Variants in UBE2M observed in about 807,000 individuals in gnomAD.
UBE2M encodes the protein ubiquitin conjugating enzyme E2 M, also known as NEDD8-conjugating enzyme Ubc12.
UBE2M carries 2 observed loss-of-function variants against 23.5 expected under a neutral mutation model. That is an observed-to-expected ratio of 0.09 (90% CI 0.03 to 0.27). The LOEUF (loss-of-function observed/expected upper bound fraction) is 0.27, where lower values mean the gene tolerates loss of function less well. Ranked by LOEUF, UBE2M falls within the 10% of genes least tolerant of loss-of-function variation. The pLI is 1.00. For missense variants in UBE2M, 103 were observed against 232.9 expected (o/e 0.44, Z 3.63); for synonymous variants, 97 against 95.2 (o/e 1.02, Z -0.11).
At position 58,555,923 on chromosome 19, in the gene UBE2M, TAA is replaced by T. The variant is rs565813317; in HGVS notation, c.*164_*165del. 2.9e-3 allele frequency: 2,462 copies of T among 836,434 alleles called. No homozygotes were observed. Among genetic ancestry groups the T allele is most frequent in the Non-Finnish European group, 3.5e-3 (2,026 of 573,064 alleles). 51.8% of individuals were successfully genotyped at this position (836,434 alleles called of 1,614,324 possible). ...AGCGCCGACCTTAATCACATGGTGTTAAAAAAAAAAAAATAACTAGGGGCACG... is the reference window on the plus strand; with the variant it reads ...AGCGCCGACCTTAATCACATGGTGTTAAAAAAAAAAATAACTAGGGGCACG... On this transcript the variant is annotated 3_prime_UTR_variant, in exon 6 of 6. Coordinates refer to ENST00000253023, the MANE Select transcript of UBE2M (RefSeq NM_003969.4).
rs1568670422 is a variant in UBE2M at position 58,556,973 on chromosome 19, T to C, written c.205-43A>G. The C allele has an allele frequency of 1.9e-6, 3 of 1,613,936 alleles. No individual in the cohort carries two copies. The highest frequency in any genetic ancestry group is 1.1e-5 in the South Asian group (1 of 91,084). On this transcript the variant is annotated intron_variant, in intron 2 of 5. Transcript: ENST00000253023. This position sits in a 1 kb window ranked among gnomAD's most constrained non-coding sequence, Gnocchi z 4.9. ...AGAAGAAAATTTTAGGGTTCCATCC[T>C]GTGGGGCCCGATGGGCAGAACATGT...
rs748311481 is a variant in UBE2M at position 58,557,056 on chromosome 19, C to T, written c.204+7G>A. ...GCTCCTGGGAATTCAGCCATATGCACCCTCACCTCATCAGGACAGATGACC... is the reference window on the plus strand; with the variant it reads ...GCTCCTGGGAATTCAGCCATATGCATCCTCACCTCATCAGGACAGATGACC... On this transcript the variant is annotated splice_region_variant and intron_variant, in intron 2 of 5. Coordinates refer to ENST00000253023, the MANE Select transcript of UBE2M (RefSeq NM_003969.4). The T allele has an allele frequency of 8.7e-6, 14 of 1,614,080 alleles. No individual in the cohort carries two copies. The highest frequency in any genetic ancestry group is 5.0e-5 in the Admixed American group (3 of 60,012).
chr19:58,558,318 C>T lies in UBE2M; in HGVS notation c.64G>A (p.Gly22Ser), dbSNP rs1308589850. The change falls in exon 1 of 6, where the codon GGC becomes AGC. Residue 22 changes from glycine (G) to serine (S), a missense_variant. Transcript: ENST00000253023. This position sits in a 1 kb window ranked among gnomAD's most constrained non-coding sequence, Gnocchi z 4.7. ...KEEESAGGTK[G>S]SSKKASAAQL... ...GCCGCCGACGCCTTCTTGCTGCTGCCCTTGGTGCCGCCCGCCGACTCCTCC... is the reference window on the plus strand; with the variant it reads ...GCCGCCGACGCCTTCTTGCTGCTGCTCTTGGTGCCGCCCGCCGACTCCTCC... 6 of 1,601,506 alleles carry T rather than the reference C, an allele frequency of 3.7e-6. No homozygotes were observed. In the East Asian group the frequency reaches 1.2e-4, roughly 31 times the overall value.
Position 58,556,584 on chromosome 19 carries a change from C to T in UBE2M, c.347+103G>A, listed in dbSNP as rs2053892143. On this transcript the variant is annotated intron_variant, in intron 4 of 5. Transcript: ENST00000253023. The surrounding 1 kb of genome is among the most constrained non-coding windows in gnomAD (Gnocchi z 4.9). ...TGGGAAATCAAGAAACCACAGACAA[C>T]AAAGGGGTGGGAAGGGACAGAGTCT... 2 of 1,193,488 alleles carry T rather than the reference C, an allele frequency of 1.7e-6. No homozygotes were observed. The highest frequency in any genetic ancestry group is 2.4e-5 in the East Asian group (1 of 41,210). 73.9% of individuals were successfully genotyped at this position (1,193,488 alleles called of 1,614,324 possible).
chr19:58,558,301 C>T lies in UBE2M; in HGVS notation c.81G>A (p.Ala27=). ...TCTGGATCCGCAGCTGCGCCGCCGA[C>T]GCCTTCTTGCTGCTGCCCTTGGTGC... The part of the protein sequence containing the change: ...AGGTKGSSKK[A]SAAQLRIQKD... Residue 27 remains alanine, a synonymous_variant, in exon 1 of 6, where the codon GCG becomes GCA. Transcript: ENST00000253023. This position sits in a 1 kb window ranked among gnomAD's most constrained non-coding sequence, Gnocchi z 4.7. 6.2e-7 allele frequency: 1 copy of T among 1,603,690 alleles called. No homozygotes were observed. The highest frequency in any genetic ancestry group is 1.7e-5 in the Admixed American group (1 of 59,012).
intron 1 of UBE2M, among the ~76,000 whole-genome samples, chr19:58,557,512 C>T (rs920239362): frequency 6.6e-6 from 1 of 151,968 alleles, no homozygotes; most frequent in Non-Finnish European, 1.5e-5. Context: ...TCCATGACCT[C>T]CACTCTACAG....
At chr19:58,557,444 CT>C (rs2053899308) in intron 1 of UBE2M, among the ~76,000 whole-genome samples, 1 of 151,940 alleles carries the variant, frequency 6.6e-6, no homozygotes, top group South Asian at 2.1e-4. Flanking sequence ...GTATCCACAG[CT>C]CCCAAATGCC....
rs142143889 is a variant in UBE2M, at chr19:58,557,312, C to A, written c.110-155G>T. Among the ~76,000 whole-genome samples, 247 of 152,050 alleles carry A rather than the reference C, an allele frequency of 1.6e-3. 1 individual carries two copies. Among genetic ancestry groups the A allele is most frequent in the African/African-American group, 5.6e-3 (230 of 41,434 alleles). On this transcript the variant is annotated intron_variant, in intron 1 of 5. Coordinates refer to ENST00000253023, the MANE Select transcript of UBE2M (RefSeq NM_003969.4). ...CGCCTCTCCTGGGCTGTGCTCCACA[C>A]CTCCAGCCCTCTCCCTGCTCCCCAG... is the stretch of plus-strand genomic sequence containing the variant.
chr19:58,556,599 G>A lies in UBE2M; in HGVS notation c.347+88C>T, dbSNP rs1251203969. ...CCACAGACAACAAAGGGGTGGGAAG[G>A]GACAGAGTCTGATGTAGTGCCCACA... On this transcript the variant is annotated intron_variant, in intron 4 of 5. Coordinates refer to ENST00000253023, the MANE Select transcript of UBE2M (RefSeq NM_003969.4). The surrounding 1 kb of genome is among the most constrained non-coding windows in gnomAD (Gnocchi z 4.9). The A allele has an allele frequency of 8.1e-7, 1 of 1,231,994 alleles. No individual in the cohort carries two copies. The highest frequency in any genetic ancestry group is 1.1e-6 in the Non-Finnish European group (1 of 883,404). The allele number at this position is 1,231,994 out of a possible 1,614,324, so 76.3% of individuals were successfully genotyped here.
rs114089020 is a variant in UBE2M, at chr19:58,556,304, A to C, written c.411+12T>G. The C allele has an allele frequency of 6.2e-7, 1 of 1,613,974 alleles. No individual in the cohort carries two copies. The highest frequency in any genetic ancestry group is 8.5e-7 in the Non-Finnish European group (1 of 1,180,024). On this transcript the variant is annotated intron_variant, in intron 5 of 5. Coordinates refer to ENST00000253023, the MANE Select transcript of UBE2M (RefSeq NM_003969.4). The surrounding 1 kb of genome is among the most constrained non-coding windows in gnomAD (Gnocchi z 4.9). ...CCAATCTCCCCAGACCCAACCACCTATTCCTACTCACCAAGAAGAGATACT... is the reference window on the plus strand; with the variant it reads ...CCAATCTCCCCAGACCCAACCACCTCTTCCTACTCACCAAGAAGAGATACT...
At position 58,556,651 on chromosome 19, in the gene UBE2M, G is replaced by T; in HGVS notation, c.347+36C>A. 6.7e-7 allele frequency: 1 copy of T among 1,501,196 alleles called. No homozygotes were observed. Among genetic ancestry groups the T allele is most frequent in the Non-Finnish European group, 8.9e-7 (1 of 1,120,356 alleles). 93.0% of individuals were successfully genotyped at this position (1,501,196 alleles called of 1,614,324 possible). On this transcript the variant is annotated intron_variant, in intron 4 of 5. Coordinates refer to ENST00000253023, the MANE Select transcript of UBE2M (RefSeq NM_003969.4). The surrounding 1 kb of genome is among the most constrained non-coding windows in gnomAD (Gnocchi z 4.9). The stretch of plus-strand genomic sequence containing the variant: ...GACCATGAGGGAGGCCTGGCAGGCA[G>T]CGCTGAGGAGGGCATTAGAGGGCCA...
Position 58,556,952 on chromosome 19 carries a change from G to A in UBE2M, c.205-22C>T, listed in dbSNP as rs1310447112. The A allele has an allele frequency of 6.2e-7, 1 of 1,613,900 alleles. No homozygotes were observed. Among genetic ancestry groups the A allele is most frequent in the Non-Finnish European group, 8.5e-7 (1 of 1,179,976 alleles). ...AGCCCTGGGAGGAAAAGGGGGAGAA[G>A]AAAATTTTAGGGTTCCATCCTGTGG... On this transcript the variant is annotated intron_variant, in intron 2 of 5. Coordinates refer to ENST00000253023, the MANE Select transcript of UBE2M (RefSeq NM_003969.4). This position sits in a 1 kb window ranked among gnomAD's most constrained non-coding sequence, Gnocchi z 4.9.
In UBE2M at chr19:58,555,918, G is replaced by T; in HGVS notation, c.*171C>A. ...GAGGCAGCGCCGACCTTAATCACAT[G>T]GTGTTAAAAAAAAAAAAATAACTAG... On this transcript the variant is annotated 3_prime_UTR_variant, in exon 6 of 6. Coordinates refer to ENST00000253023, the MANE Select transcript of UBE2M (RefSeq NM_003969.4). 1 of 867,506 alleles carries T rather than the reference G, an allele frequency of 1.2e-6. No individual in the cohort carries two copies. Among genetic ancestry groups the T allele is most frequent in the Non-Finnish European group, 1.7e-6 (1 of 582,494 alleles). 53.7% of individuals were successfully genotyped at this position (867,506 alleles called of 1,614,324 possible). A position where few individuals can be genotyped will look rare whatever the true frequency, so the allele number is the denominator to read the frequency against.
intron 1 of UBE2M, 62 bp from the exon 2 acceptor site, chr19:58,557,219 A>ACCCC: frequency 6.7e-7 from 1 of 1,493,592 alleles, no homozygotes; most frequent in Non-Finnish European, 9.3e-7. Flanking sequence ...AGAGAGAGGG[A>ACCCC]GCCAGCAGGA....
rs770826875 is a variant in UBE2M at position 58,556,061 on chromosome 19, C to A, written c.*28G>T. The stretch of plus-strand genomic sequence containing the variant: ...TTGCAGGGGATGCCAGGGCTTGTGG[C>A]CGTGGCGGGGGTGGGTATGCGCCAA... On this transcript the variant is annotated 3_prime_UTR_variant, in exon 6 of 6. Coordinates refer to ENST00000253023, the MANE Select transcript of UBE2M (RefSeq NM_003969.4). This position sits in a 1 kb window ranked among gnomAD's most constrained non-coding sequence, Gnocchi z 4.9. 2 of 1,588,896 alleles carry A rather than the reference C, an allele frequency of 1.3e-6. No homozygotes were observed. Among genetic ancestry groups the A allele is most frequent in the East Asian group, 4.5e-5 (2 of 44,220 alleles).
At chr19:58,557,476 G>T (rs967647663) in intron 1 of UBE2M, among the ~76,000 whole-genome samples, 3 of 151,358 alleles carry the variant, frequency 2.0e-5, no homozygotes, top group African/African-American at 7.3e-5. Flanking sequence ...AACATCCTCT[G>T]ACCGCCCTAA....
rs981188081 is a variant in UBE2M at position 58,558,226 on chromosome 19, C to T, written c.109+47G>A. ...GACTCCCACATCACCCTGCCTCAGGCCCTGACCTCCGACCTCCGGCTCCAA... is the reference window on the plus strand; with the variant it reads ...GACTCCCACATCACCCTGCCTCAGGTCCTGACCTCCGACCTCCGGCTCCAA... On this transcript the variant is annotated intron_variant, in intron 1 of 5. Transcript: ENST00000253023. This position sits in a 1 kb window ranked among gnomAD's most constrained non-coding sequence, Gnocchi z 4.7. 5 of 1,538,016 alleles carry T rather than the reference C, an allele frequency of 3.3e-6. No homozygotes were observed. The highest frequency in any genetic ancestry group is 2.3e-5 in the South Asian group (2 of 86,126).
At position 58,557,096 on chromosome 19, in the gene UBE2M, G is replaced by A. The variant is rs1198735157; in HGVS notation, c.171C>T (p.Leu57=). Residue 57 remains leucine (L), a synonymous_variant, in exon 2 of 6, where the codon CTC becomes CTT. Coordinates refer to ENST00000253023, the MANE Select transcript of UBE2M (RefSeq NM_003969.4). ...GACAGATGACCAGCTTGAAGTTGAG[G>A]AGGTCGTCTGGATCTGAGAAGCTGA... ...CDISFSDPDD[L]LNFKLVICPD... is the part of the protein sequence containing the mutation. 1.2e-5 allele frequency: 20 copies of A among 1,614,068 alleles called. No homozygotes were observed. Among genetic ancestry groups the A allele is most frequent in the Non-Finnish European group, 1.6e-5 (19 of 1,179,992 alleles).
At position 58,556,498 on chromosome 19, in the gene UBE2M, G is replaced by T. The variant is rs2053891498; in HGVS notation, c.348-119C>A. On this transcript the variant is annotated intron_variant, in intron 4 of 5. Coordinates refer to ENST00000253023, the MANE Select transcript of UBE2M (RefSeq NM_003969.4). This position sits in a 1 kb window ranked among gnomAD's most constrained non-coding sequence, Gnocchi z 4.9. ...GAGTGAGCATGTGAGAGGCTGGGAG[G>T]GAGGGTGTGGAGCAGGACAGGCCAA... 3.4e-6 allele frequency: 4 copies of T among 1,192,282 alleles called. No homozygotes were observed. The South Asian group carries it at 5.3e-5, about 16-fold the overall frequency. 73.9% of individuals were successfully genotyped at this position (1,192,282 alleles called of 1,614,324 possible). A position where few individuals can be genotyped will look rare whatever the true frequency, so the allele number is the denominator to read the frequency against.
Sources: allele counts gnomAD v4.1 joint callset (sites outside exome capture counted in the v4.1 genomes callset), GRCh38; gene constraint gnomAD v4.1.1; non-coding constraint Gnocchi (gnomAD v3.1); transcripts MANE v1.5; gene names NCBI Gene and HGNC (gene_info 2026-07-23, HGNC 2026-07-21).